The following TG variants were observed in gnomAD, a reference collection of about 807,000 sequenced individuals.
TG encodes the protein thyroid hormones.
A neutral mutation model predicts 324.7 loss-of-function variants in TG; 270 were observed. The observed-to-expected ratio is 0.83, with a 90% CI of 0.75 to 0.92. The LOEUF is 0.92. Among genes scored for constraint, TG ranks in the 40% least tolerant of loss-of-function variants. The pLI, the probability that TG is intolerant of heterozygous loss-of-function variation, is 0.00. For missense variants in TG, 3,591 were observed against 3,456.4 expected, an observed-to-expected ratio of 1.04 and a Z score of -0.98; for synonymous variants, 1,401 against 1,327.0, an observed-to-expected ratio of 1.06 and a Z score of -1.21.
At chr8:133,024,736 G>A (rs916215589) in intron 40 of TG, among the ~76,000 whole-genome samples, 7 of 152,070 alleles carry the variant, frequency 4.6e-5, no homozygotes, top group Admixed American at 3.9e-4. Flanking sequence ...CAAAGGACAC[G>A]ATCTCATTCT....
At chr8:132,975,538 C>G (rs1231995098) in intron 34 of TG, among the ~76,000 whole-genome samples, 1 of 152,132 alleles carries the variant, frequency 6.6e-6, no homozygotes, top group East Asian at 1.9e-4. Flanking sequence ...AAACTTAGAG[C>G]AGGGAATTAA....
At chr8:132,915,501 G>C (rs1275731814) in intron 20 of TG, among the ~76,000 whole-genome samples, 4 of 152,174 alleles carry the variant, frequency 2.6e-5, no homozygotes, top group Non-Finnish European at 5.9e-5. Flanking sequence ...TGGTGTCAGG[G>C]CACGGGGCTT....
intron 42 of TG, among the ~76,000 whole-genome samples, chr8:133,095,912 C>T (rs1292634186): frequency 6.6e-6 from 1 of 152,220 alleles, no homozygotes; most frequent in African/African-American, 2.4e-5. Flanking sequence ...ACTGTCTCCT[C>T]CTGCCTTCCT....
At position 132,888,342 on chromosome 8, in the gene TG, C is replaced by T. The variant is rs763864888; in HGVS notation, c.2535C>T (p.Val845=). ...VLSQYPSLQD[V]PLAALEGKRP... Reference sequence around the variant, plus strand: ...CACAATACCCTTCTCTGCAAGATGTCCCACTAGCAGCACTGGAAGGGAAAC... The same window carrying T: ...CACAATACCCTTCTCTGCAAGATGTTCCACTAGCAGCACTGGAAGGGAAAC... The change falls in exon 10 of 48, where the codon GTC becomes GTT. Residue 845 remains valine, a synonymous_variant. Coordinates refer to ENST00000220616, the MANE Select transcript of TG (RefSeq NM_003235.5). The T allele has an allele frequency of 1.2e-6, 2 of 1,614,140 alleles. No homozygotes were observed. The highest frequency in any genetic ancestry group is 8.5e-7 in the Non-Finnish European group (1 of 1,180,034).
chr8:132,867,175 TC>T, intron 1 of TG, 108 bp downstream of exon 1: 1 of 994,454 alleles, frequency 1.0e-6, no homozygotes, highest in Non-Finnish European at 1.5e-6. Flanking sequence ...CTTCACAAAT[TC>T]CCACATGTCA....
At chr8:133,091,339 AGGGT>A (rs943962449) in intron 41 of TG, among the ~76,000 whole-genome samples, 3 of 152,322 alleles carry the variant, frequency 2.0e-5, no homozygotes, top group African/African-American at 7.2e-5. Flanking sequence ...TTCACATTCC[AGGGT>A]GGGACTGAGA....
chr8:133,046,466 C>T (rs1490927038), intron 41 of TG: 1 of 152,254 alleles, frequency 6.6e-6, no homozygotes, highest in Admixed American at 6.5e-5. Flanking sequence ...CAGCATGAGC[C>T]TTCCCGTAAG....
intron 25 of TG, among the ~76,000 whole-genome samples, chr8:132,938,770 C>T (rs1367823582): frequency 1.3e-5 from 2 of 152,022 alleles, no homozygotes; most frequent in African/African-American, 2.4e-5. Flanking sequence ...AGCAGCCCAT[C>T]GGCCAGGCGC....
chr8:132,925,747 T>C (rs956969881), intron 22 of TG, among the ~76,000 whole-genome samples: 4 of 152,186 alleles, frequency 2.6e-5, no homozygotes, highest in African/African-American at 9.7e-5. Context: ...CCATCAGTCC[T>C]GGGATTATTG....
chr8:132,871,435 A>G lies in TG; in HGVS notation c.362A>G (p.Gln121Arg), dbSNP rs1434561844. The change falls in exon 4 of 48, where the codon CAG (glutamine) becomes CGG (arginine). Residue 121 changes from glutamine (Q) to arginine (R), a missense_variant. By Grantham distance (43) the Gln-to-Arg change is conservative. Transcript: ENST00000220616. ...STDTSYLPQC[Q>R]DSGDYAPVQC... is the part of the protein sequence containing the mutation. The stretch of plus-strand genomic sequence containing the variant: ...GACACCTCCTACCTCCCTCAGTGTC[A>G]GGATTCAGGGGACTACGCGCCTGTT... 2.5e-6 allele frequency: 4 copies of G among 1,614,214 alleles called. No individual in the cohort carries two copies. Among genetic ancestry groups the G allele is most frequent in the Non-Finnish European group, 3.4e-6 (4 of 1,180,040 alleles).
At chr8:133,041,648 A>G (rs1838265368) in intron 41 of TG, among the ~76,000 whole-genome samples, 1 of 151,982 alleles carries the variant, frequency 6.6e-6, no homozygotes, top group African/African-American at 2.4e-5. Flanking sequence ...TTCCTTAGAC[A>G]GGTTAATACT....
rs941605232 is a variant in TG, at chr8:132,908,486, T to C, written c.4002+146T>C. Reference sequence around the variant, plus strand: ...TGCTGGAACTAATAGTGAATTCTCTTGGCAGCCTTGAGTTTTCTAGACAGC... The same window carrying C: ...TGCTGGAACTAATAGTGAATTCTCTCGGCAGCCTTGAGTTTTCTAGACAGC... On this transcript the variant is annotated intron_variant, in intron 18 of 47. Coordinates refer to ENST00000220616, the MANE Select transcript of TG (RefSeq NM_003235.5). 109 of 283,066 alleles carry C rather than the reference T, an allele frequency of 3.9e-4. 34 individuals carry two copies. The Middle Eastern group carries it at 0.016, about 40-fold the overall frequency. The allele number at this position is 283,066 out of a possible 1,614,324, so 17.5% of individuals were successfully genotyped here. A position where few individuals can be genotyped will look rare whatever the true frequency, so the allele number is the denominator to read the frequency against.
chr8:132,992,653 G>A (rs1295014238), intron 35 of TG, among the ~76,000 whole-genome samples: 1 of 152,120 alleles, frequency 6.6e-6, no homozygotes, highest in Non-Finnish European at 1.5e-5. Flanking sequence ...AGGATGGAAG[G>A]GCTCTACCCC....
At chr8:132,994,021 C>T (rs1446924476) in intron 35 of TG, among the ~76,000 whole-genome samples, 1 of 152,096 alleles carries the variant, frequency 6.6e-6, no homozygotes, top group East Asian at 1.9e-4. Context: ...TTGGTACTGC[C>T]CTGTCTTCCT....
At chr8:133,043,819 C>T (rs1838778972) in intron 41 of TG, among the ~76,000 whole-genome samples, 1 of 152,200 alleles carries the variant, frequency 6.6e-6, no homozygotes, top group East Asian at 1.9e-4. Context: ...AACAAAGTTG[C>T]CCCAGTGTGT....
At chr8:133,093,645 G>C (rs1847937694) in intron 41 of TG, among the ~76,000 whole-genome samples, 1 of 152,112 alleles carries the variant, frequency 6.6e-6, no homozygotes, top group African/African-American at 2.4e-5. Context: ...CCTTGCCACT[G>C]GCTGAGATTC....
chr8:132,868,014 T>A, intron 1 of TG, 101 bp from the exon 2 acceptor site: 2 of 1,054,190 alleles, frequency 1.9e-6, no homozygotes, highest in South Asian at 2.6e-5. Flanking sequence ...TCATAGGTAA[T>A]GATGATGACC....
chr8:133,090,532 C>G (rs1024148070), intron 41 of TG, among the ~76,000 whole-genome samples: 1 of 152,242 alleles, frequency 6.6e-6, no homozygotes, highest in Admixed American at 6.5e-5. Context: ...CCAAGTCAGA[C>G]AGCGCAAGGG....
At chr8:133,067,162 T>C (rs1490657374) in intron 41 of TG, among the ~76,000 whole-genome samples, 10 of 152,086 alleles carry the variant, frequency 6.6e-5, no homozygotes, top group African/African-American at 2.4e-4. Context: ...ACCCACCACA[T>C]CCTGACCTCA....
Sources: allele counts gnomAD v4.1 joint callset (sites outside exome capture counted in the v4.1 genomes callset), GRCh38; gene constraint gnomAD v4.1.1; transcripts MANE v1.5; gene names NCBI Gene and HGNC (gene_info 2026-07-23, HGNC 2026-07-21).